Variants in SH3GLB2 observed in about 807,000 individuals in gnomAD.
SH3GLB2 encodes the protein endophilin-B2.
Under a neutral mutation model 48.0 loss-of-function variants are expected in SH3GLB2, and 24 were observed. The ratio of observed to expected loss-of-function variants is 0.50; its 90% confidence interval spans 0.36 to 0.70. The LOEUF (loss-of-function observed/expected upper bound fraction) is 0.70. Among genes scored for constraint, SH3GLB2 ranks in the 30% least tolerant of loss-of-function variants. The pLI is 0.00. For missense variants in SH3GLB2, 425 were observed against 516.0 expected, an observed-to-expected ratio of 0.82 and a Z score of 1.71; for synonymous variants, 227 against 207.6, an observed-to-expected ratio of 1.09 and a Z score of -0.80.
At chr9:129,009,631 C>A in intron 9 of SH3GLB2, 140 bp downstream of exon 9, 1 of 1,380,968 alleles carries the variant, frequency 7.2e-7, no homozygotes, top group South Asian at 1.3e-5. Flanking sequence ...ACATGAGATG[C>A]CCGCACCCAG....
chr9:129,025,328 C>T lies in SH3GLB2; in HGVS notation c.63+2764G>A, dbSNP rs1430592330. Among the ~76,000 whole-genome samples, 10 of 151,160 alleles carry T rather than the reference C, an allele frequency of 6.6e-5. No homozygotes were observed. In the East Asian group the frequency reaches 7.7e-4, roughly 12 times the overall value. ...CTGTAATATCAGCACTTTGGGAGGC[C>T]GAGGCAGGAGGATCACTTGAGCCCA... On this transcript the variant is annotated intron_variant, in intron 1 of 10. Transcript: ENST00000372564.
intron 5 of SH3GLB2, chr9:129,013,346 G>T: frequency 2.5e-6 from 1 of 405,382 alleles, no homozygotes. Flanking sequence ...GCAATGACAG[G>T]AAAGGCTCCT....
rs1054874759 is a variant in SH3GLB2, at chr9:129,008,858, G to A, written c.1081-67C>T. 8 of 1,478,882 alleles carry A rather than the reference G, an allele frequency of 5.4e-6. No individual in the cohort carries two copies. The African/African-American group carries it at 9.7e-5, about 18-fold the overall frequency. The allele number at this position is 1,478,882 out of a possible 1,614,324, so 91.6% of individuals were successfully genotyped here. On this transcript the variant is annotated intron_variant, in intron 10 of 10. Transcript: ENST00000372564. Reference sequence around the variant, plus strand: ...GGTGGAACTGGCCCCAGGACTAAGTGGGGACAGAGCTGCCACCTCCCCATG... The same window carrying A: ...GGTGGAACTGGCCCCAGGACTAAGTAGGGACAGAGCTGCCACCTCCCCATG...
intron 3 of SH3GLB2, among the ~76,000 whole-genome samples, chr9:129,019,078 T>A (rs984642500): frequency 2.0e-5 from 3 of 149,764 alleles, no homozygotes; most frequent in Non-Finnish European, 4.4e-5. Flanking sequence ...TGGGGTGTGA[T>A]GGAAATGTTC....
Position 129,028,268 on chromosome 9 carries a change from A to G in SH3GLB2, c.-114T>C. On this transcript the variant is annotated 5_prime_UTR_variant, in exon 1 of 11. Transcript: ENST00000372564. ...GCTGCGGGGCACCAGCCCTCCGCGC[A>G]CCCGCCTGCCGGCCTGCCCGCCTGC... 1 of 658,444 alleles carries G rather than the reference A, an allele frequency of 1.5e-6. No individual in the cohort carries two copies. The highest frequency in any genetic ancestry group is 6.4e-5 in the South Asian group (1 of 15,674). 40.8% of individuals were successfully genotyped at this position (658,444 alleles called of 1,614,324 possible). A position where few individuals can be genotyped will look rare whatever the true frequency, so the allele number is the denominator to read the frequency against.
At chr9:129,013,366 C>T (rs779473818) in intron 5 of SH3GLB2, 1 of 350,880 alleles carries the variant, frequency 2.8e-6, no homozygotes, top group African/African-American at 2.1e-5. Context: ...TCTGGCCTGG[C>T]TGATGGAGAG....
At chr9:129,027,545 G>C (rs1003186900) in intron 1 of SH3GLB2, among the ~76,000 whole-genome samples, 3 of 152,192 alleles carry the variant, frequency 2.0e-5, no homozygotes, top group Non-Finnish European at 4.4e-5. Context: ...CCCAGGCCCA[G>C]GGACCAAGGA....
In SH3GLB2 at chr9:129,014,942, G is replaced by A. The variant is rs2131257607; in HGVS notation, c.335-38C>T. On this transcript the variant is annotated intron_variant, in intron 3 of 10. Coordinates refer to ENST00000372564, the MANE Select transcript of SH3GLB2 (RefSeq NM_020145.4). This position sits in a 1 kb window ranked among gnomAD's most constrained non-coding sequence, Gnocchi z 4.1. ...AGTTGAAGCGTGAGGAAGAAGGTCAGGCTCAGGCTACTCTGATCTACAGGA... is the reference window on the plus strand; with the variant it reads ...AGTTGAAGCGTGAGGAAGAAGGTCAAGCTCAGGCTACTCTGATCTACAGGA... 1 of 1,602,776 alleles carries A rather than the reference G, an allele frequency of 6.2e-7. No homozygotes were observed. The highest frequency in any genetic ancestry group is 2.2e-5 in the East Asian group (1 of 44,842).
intron 1 of SH3GLB2, among the ~76,000 whole-genome samples, chr9:129,026,209 T>C (rs1226937653): frequency 6.6e-6 from 1 of 152,176 alleles, no homozygotes; most frequent in Non-Finnish European, 1.5e-5. Flanking sequence ...CCTTGTTCCT[T>C]GCTGGATCGG....
chr9:129,009,389 G>A (rs760221195), intron 9 of SH3GLB2, 43 bp from the exon 10 acceptor site: 1 of 1,550,728 alleles, frequency 6.4e-7, no homozygotes, highest in South Asian at 1.2e-5. Context: ...AGTCCCAGAA[G>A]GGACCCCAGA....
chr9:129,008,660 TG>T lies in SH3GLB2; in HGVS notation c.*23del. ...CCATCCTCTCCTGCCTAGGCCAGAA[TG>T]CGGGGGGGATGGGGGCACCTGCCTA... On this transcript the variant is annotated 3_prime_UTR_variant, in exon 11 of 11. Transcript: ENST00000372564. 6.3e-7 allele frequency: 1 copy of T among 1,581,312 alleles called. No individual in the cohort carries two copies. Among genetic ancestry groups the T allele is most frequent in the African/African-American group, 1.3e-5 (1 of 74,364 alleles).
Position 129,028,143 on chromosome 9 carries a change from G to A in SH3GLB2, c.12C>T (p.Asn4=). MDF[N]MKKLASDAGI... is the part of the protein sequence containing the mutation. The stretch of plus-strand genomic sequence containing the variant: ...CCGCGTCCGACGCCAGCTTCTTCAT[G>A]TTGAAGTCCATGGCGTGCCCGCACG... Residue 4 remains asparagine (N), a synonymous_variant, in exon 1 of 11, where the codon AAC becomes AAT. Coordinates refer to ENST00000372564, the MANE Select transcript of SH3GLB2 (RefSeq NM_020145.4). 2.0e-6 allele frequency: 3 copies of A among 1,492,590 alleles called. No homozygotes were observed. The highest frequency in any genetic ancestry group is 2.7e-6 in the Non-Finnish European group (3 of 1,123,576). 92.5% of individuals were successfully genotyped at this position (1,492,590 alleles called of 1,614,324 possible).
chr9:129,011,829 T>G lies in SH3GLB2; in HGVS notation c.624+407A>C. On this transcript the variant is annotated intron_variant, in intron 6 of 10. Coordinates refer to ENST00000372564, the MANE Select transcript of SH3GLB2 (RefSeq NM_020145.4). The surrounding 1 kb of genome is among the most constrained non-coding windows in gnomAD (Gnocchi z 4.5). Reference sequence around the variant, plus strand: ...ACGACGCCATCCCTGCCTCCTGTCTTTAGGGGTCTGTGAACTCCAGAAAGG... The same window carrying G: ...ACGACGCCATCCCTGCCTCCTGTCTGTAGGGGTCTGTGAACTCCAGAAAGG... 5.8e-6 allele frequency: 1 copy of G among 173,020 alleles called. No homozygotes were observed. Among genetic ancestry groups the G allele is most frequent in the Non-Finnish European group, 1.2e-5 (1 of 82,166 alleles). 10.7% of individuals were successfully genotyped at this position (173,020 alleles called of 1,614,324 possible). A position where few individuals can be genotyped will look rare whatever the true frequency, so the allele number is the denominator to read the frequency against.
chr9:129,017,114 A>AT (rs1448372964), intron 3 of SH3GLB2, among the ~76,000 whole-genome samples: 2 of 151,618 alleles, frequency 1.3e-5, no homozygotes, highest in East Asian at 1.9e-4. Flanking sequence ...TGCCCAGCTA[A>AT]TTTTTTTGTA....
Position 129,028,217 on chromosome 9 carries a change from C to A in SH3GLB2, c.-63G>T. The A allele has an allele frequency of 1.8e-6, 2 of 1,087,878 alleles. No individual in the cohort carries two copies. Among genetic ancestry groups the A allele is most frequent in the Non-Finnish European group, 2.2e-6 (2 of 889,666 alleles). 67.4% of individuals were successfully genotyped at this position (1,087,878 alleles called of 1,614,324 possible). A position where few individuals can be genotyped will look rare whatever the true frequency, so the allele number is the denominator to read the frequency against. On this transcript the variant is annotated 5_prime_UTR_variant, in exon 1 of 11. Coordinates refer to ENST00000372564, the MANE Select transcript of SH3GLB2 (RefSeq NM_020145.4). ...AGCCGGCAGCCCCCGGCCCAGCCGC[C>A]GCCGCCAACCGCACCCCGCCCACCT...
chr9:129,012,601 G>T (rs1843190408), intron 5 of SH3GLB2: 1 of 423,914 alleles, frequency 2.4e-6, no homozygotes, highest in Non-Finnish European at 4.2e-6. Flanking sequence ...GCTCTCCCCT[G>T]CCAGGGGCCA....
rs1312201076 is a variant in SH3GLB2, at chr9:129,027,166, G to A, written c.63+926C>T. On this transcript the variant is annotated intron_variant, in intron 1 of 10. Coordinates refer to ENST00000372564, the MANE Select transcript of SH3GLB2 (RefSeq NM_020145.4). ...CACCAGATTTACAGAAGGGGAGGGC[G>A]GGGCTCTGAGAGAAGTGACTTGTCC... 3.9e-5 allele frequency among the ~76,000 whole-genome samples: 6 copies of A among 152,184 alleles called. No homozygotes were observed. The East Asian group carries it at 9.6e-4, about 24-fold the overall frequency.
intron 3 of SH3GLB2, among the ~76,000 whole-genome samples, chr9:129,020,399 C>A (rs1843713039): frequency 1.3e-5 from 2 of 149,232 alleles, no homozygotes; most frequent in African/African-American, 5.0e-5. Flanking sequence ...TGAAACCCTG[C>A]CTCTACTAAA....
At position 129,007,195 on chromosome 9, in the gene SH3GLB2, T is replaced by C. The variant is rs1473710668; in HGVS notation, c.*1489A>G. 6.6e-6 allele frequency: 1 copy of C among 152,232 alleles called. No homozygotes were observed. Among genetic ancestry groups the C allele is most frequent in the African/African-American group, 2.4e-5 (1 of 41,368 alleles). The allele number at this position is 152,232 out of a possible 1,614,324, so 9.4% of individuals were successfully genotyped here. A position where few individuals can be genotyped will look rare whatever the true frequency, so the allele number is the denominator to read the frequency against. On this transcript the variant is annotated 3_prime_UTR_variant, in exon 11 of 11. Transcript: ENST00000372564. ...GGCGCCTGGGAGTGGGGCTGCAGCC[T>C]CGGGGGAAGGCAGGTACTGATGGAT...
Sources: allele counts gnomAD v4.1 joint callset (sites outside exome capture counted in the v4.1 genomes callset), GRCh38; gene constraint gnomAD v4.1.1; non-coding constraint Gnocchi (gnomAD v3.1); transcripts MANE v1.5; gene names NCBI Gene and HGNC (gene_info 2026-07-23, HGNC 2026-07-21).